ANK3: variants seen among roughly 807,000 people sequenced by gnomAD.
ANK3 encodes ankyrin 3, also known as ankyrin-3.
A neutral mutation model predicts 370.9 loss-of-function variants in ANK3; 57 were observed. The ratio of observed to expected loss-of-function variants is 0.15; its 90% CI spans 0.12 to 0.19. The LOEUF (loss-of-function observed/expected upper bound fraction) is 0.19. ANK3 is among the 10% of genes least tolerant of loss of function. The pLI is 1.00. For missense variants in ANK3, 4,439 were observed against 5,302.1 expected, an observed-to-expected ratio of 0.84 and a Z score of 5.06; for synonymous variants, 1,929 against 1,946.3, an observed-to-expected ratio of 0.99 and a Z score of 0.23.
At chr10:60,385,807 C>T (rs899248574) in intron 1 of ANK3, among the ~76,000 whole-genome samples, 24 of 152,072 alleles carry the variant, frequency 1.6e-4, no homozygotes, top group African/African-American at 5.8e-4. Context: ...TAGGTCACCT[C>T]AAATTTTTTG....
At chr10:60,630,521 T>C (rs567649286) in intron 1 of ANK3, among the ~76,000 whole-genome samples, 40 of 152,302 alleles carry the variant, frequency 2.6e-4, no homozygotes, top group African/African-American at 9.4e-4. Context: ...GTGAAAGTGC[T>C]GCAGAGGAAC....
intron 42 of ANK3, among the ~76,000 whole-genome samples, chr10:60,050,449 C>A (rs751270965): frequency 3.3e-5 from 5 of 152,272 alleles, no homozygotes; most frequent in African/African-American, 1.2e-4. Context: ...ATTTTGGACA[C>A]CTGTGCCAAC....
chr10:60,548,206 C>CTTTTTT (rs537459971), intron 2 of ANK3, among the ~76,000 whole-genome samples: 5 of 88,342 alleles, frequency 5.7e-5, no homozygotes, highest in Non-Finnish European at 6.2e-5. Flanking sequence ...TAAATATTTC[C>CTTTTTT]TTTTTTTTTT....
At chr10:60,423,541 G>T (rs534927265) in intron 2 of ANK3, among the ~76,000 whole-genome samples, 2 of 151,498 alleles carry the variant, frequency 1.3e-5, no homozygotes, top group East Asian at 3.9e-4. Context: ...ACTCTTCATT[G>T]CAATAACCTT....
intron 2 of ANK3, among the ~76,000 whole-genome samples, chr10:60,542,521 T>G (rs889556862): frequency 2.6e-5 from 4 of 151,940 alleles, no homozygotes; most frequent in African/African-American, 9.7e-5. Context: ...AAATACCTTA[T>G]AGCAGATGTG....
chr10:60,037,037 A>C (rs148726522), intron 43 of ANK3, among the ~76,000 whole-genome samples: 1 of 152,036 alleles, frequency 6.6e-6, no homozygotes, highest in African/African-American at 2.4e-5. Context: ...TTCTTTCTCT[A>C]TCATCCAGTT....
chr10:60,549,634 C>G (rs552042907), intron 2 of ANK3, among the ~76,000 whole-genome samples: 1 of 152,136 alleles, frequency 6.6e-6, no homozygotes, highest in South Asian at 2.1e-4. Flanking sequence ...GGCAATTTGG[C>G]CACTTAACTT....
intron 1 of ANK3, among the ~76,000 whole-genome samples, chr10:60,619,559 T>C (rs919626064): frequency 1.3e-5 from 2 of 152,230 alleles, no homozygotes; most frequent in Non-Finnish European, 2.9e-5. Context: ...GGTTCTTGAC[T>C]CCTGTCTTGA....
chr10:60,614,799 A>C (rs1258200100), intron 2 of ANK3, among the ~76,000 whole-genome samples: 1 of 152,218 alleles, frequency 6.6e-6, no homozygotes, highest in East Asian at 1.9e-4. Flanking sequence ...GGTTTAGCTA[A>C]ATCAAACATT....
Position 60,396,143 on chromosome 10 carries a change from G to T in ANK3, c.97-116504C>A, listed in dbSNP as rs1311893524. Reference sequence around the variant, plus strand: ...AGAAGCTTCAATTCTTGAATATCGAGCCAGGGAGTAAACAAATAAAAAAAT... The same window carrying T: ...AGAAGCTTCAATTCTTGAATATCGATCCAGGGAGTAAACAAATAAAAAAAT... On this transcript the variant is annotated intron_variant, in intron 2 of 43. Coordinates refer to the ANK3 transcript ENST00000373827. Among the ~76,000 whole-genome samples the T allele has an allele frequency of 2.6e-5, 4 of 152,166 alleles. No individual in the cohort carries two copies. The East Asian group carries it at 7.7e-4, about 29-fold the overall frequency.
At chr10:60,264,428 C>T (rs2097850062) in intron 5 of ANK3, among the ~76,000 whole-genome samples, 1 of 151,886 alleles carries the variant, frequency 6.6e-6, no homozygotes, top group South Asian at 2.1e-4. Flanking sequence ...GCCAGATTGC[C>T]AGAGGTCAGG....
At chr10:60,146,519 C>T (rs2094831798) in intron 23 of ANK3, among the ~76,000 whole-genome samples, 1 of 152,148 alleles carries the variant, frequency 6.6e-6, no homozygotes, top group Non-Finnish European at 1.5e-5. Flanking sequence ...GACACAGTCT[C>T]ACTCTATTGC....
chr10:60,103,397 C>T (rs538163186), intron 28 of ANK3, among the ~76,000 whole-genome samples: 1 of 152,218 alleles, frequency 6.6e-6, no homozygotes, highest in Non-Finnish European at 1.5e-5. Context: ...ATGAAACCTC[C>T]TAAACTGTGC....
intron 2 of ANK3, among the ~76,000 whole-genome samples, chr10:60,612,607 T>A (rs1427898558): frequency 6.6e-6 from 1 of 152,220 alleles, no homozygotes; most frequent in African/African-American, 2.4e-5. Flanking sequence ...TTCTCCTGCC[T>A]CAGCCTCCCC....
chr10:60,388,119 G>A (rs546006247), intron 1 of ANK3, among the ~76,000 whole-genome samples: 3 of 151,982 alleles, frequency 2.0e-5, no homozygotes, highest in Admixed American at 2.0e-4. Flanking sequence ...GCTGTGCAAG[G>A]CTTTGAAATA....
At chr10:60,625,005 G>A (rs2078388876) in intron 1 of ANK3, among the ~76,000 whole-genome samples, 1 of 152,006 alleles carries the variant, frequency 6.6e-6, no homozygotes, top group Non-Finnish European at 1.5e-5. Flanking sequence ...GAGAGGTGAA[G>A]TCTGTTCCTT....
At chr10:60,313,932 T>TTG (rs1439459481) in intron 1 of ANK3, among the ~76,000 whole-genome samples, 2 of 151,452 alleles carry the variant, frequency 1.3e-5, no homozygotes, top group Non-Finnish European at 2.9e-5. Context: ...GTTTTTGTTT[T>TTG]TTTTTTTTTT....
chr10:60,073,227 T>G lies in ANK3; in HGVS notation c.7654A>C (p.Lys2552Gln). 1.9e-6 allele frequency: 3 copies of G among 1,614,178 alleles called. No individual in the cohort carries two copies. In the South Asian group the frequency reaches 3.3e-5, roughly 18 times the overall value. ...GTAAAGCGCATCCACATGGCATGTTTTGGACTACTAACATTGCCAGAATAG... is the reference window on the plus strand; with the variant it reads ...GTAAAGCGCATCCACATGGCATGTTGTGGACTACTAACATTGCCAGAATAG... ...LHYSGNVSSP[K>Q]HAMWMRFTED... The change falls in exon 37 of 44, where the codon AAA becomes CAA. Residue 2552 changes from lysine (K) to glutamine (Q), a missense_variant. Lys to Gln is a moderately conservative substitution (Grantham distance 53). Coordinates refer to ENST00000280772, the MANE Select transcript of ANK3 (RefSeq NM_020987.5).
chr10:60,499,250 T>C (rs2075736337), intron 2 of ANK3, among the ~76,000 whole-genome samples: 1 of 152,120 alleles, frequency 6.6e-6, no homozygotes, highest in African/African-American at 2.4e-5. Context: ...ACTTCACTTC[T>C]AAAAAGTAAC....
Sources: gnomAD v4.1 joint callset for allele counts (sites outside exome capture counted in the v4.1 genomes callset) on GRCh38, gnomAD v4.1.1 for gene constraint, MANE v1.5 for transcripts, NCBI Gene and HGNC (gene_info 2026-07-23, HGNC 2026-07-21) for gene names.